Variants in TVP23A observed in about 807,000 individuals in gnomAD.
TVP23A encodes the protein Golgi apparatus membrane protein TVP23 homolog A.
TVP23A carries 21 observed loss-of-function variants against 31.7 expected under a neutral mutation model. The ratio of observed to expected loss-of-function variants is 0.66; its 90% CI spans 0.47 to 0.95. The LOEUF is 0.95. Ranked by LOEUF, TVP23A falls within the 40% of genes least tolerant of loss-of-function variation. The pLI is 0.00. For missense variants in TVP23A, 279 were observed against 255.6 expected (o/e 1.09, Z -0.62); for synonymous variants, 104 against 96.0 (o/e 1.08, Z -0.49).
chr16:10,777,092 C>A lies in TVP23A; in HGVS notation c.90-1996G>T, dbSNP rs954006011. ...GTCTCAGCCTCGTTTTACCCAGCCC[C>A]TATTCAAGATGGAGTTGCTCTGGTT... On this transcript the variant is annotated intron_variant, in intron 2 of 7. Transcript: ENST00000299866. The surrounding 1 kb of genome is among the most constrained non-coding windows in gnomAD (Gnocchi z 4.5). Among the ~76,000 whole-genome samples, 4 of 152,178 alleles carry A rather than the reference C, an allele frequency of 2.6e-5. No individual in the cohort carries two copies. The highest frequency in any genetic ancestry group is 1.3e-4 in the Admixed American group (2 of 15,268).
intron 2 of TVP23A, among the ~76,000 whole-genome samples, chr16:10,793,424 AC>A (rs1487076189): frequency 6.6e-6 from 1 of 151,848 alleles, no homozygotes; most frequent in African/African-American, 2.4e-5. Context: ...GTGGCTTCTA[AC>A]CCTTCACCCT....
At chr16:10,793,126 T>C (rs573045706) in intron 2 of TVP23A, among the ~76,000 whole-genome samples, 6 of 151,878 alleles carry the variant, frequency 4.0e-5, no homozygotes, top group African/African-American at 1.4e-4. Flanking sequence ...CTGTCTCTAC[T>C]CAAAATACAA....
At chr16:10,809,718 G>C (rs767024114) in intron 2 of TVP23A, among the ~76,000 whole-genome samples, 2 of 152,126 alleles carry the variant, frequency 1.3e-5, no homozygotes, top group African/African-American at 2.4e-5. Flanking sequence ...CAGTCACTTG[G>C]CTAGGGAGTG....
rs770531065 is a variant in TVP23A at position 10,770,299 on chromosome 16, G to C, written c.615C>G (p.Leu205=). The change falls in exon 7 of 8, where the codon CTC becomes CTG. Residue 205 remains leucine, a synonymous_variant. Transcript: ENST00000299866. The part of the protein sequence containing the change: ...ACPGDFQKPG[L]EGLEIHQH Reference sequence around the variant, plus strand: ...AATGCTGGTGAATCTCCAGCCCCTCGAGGCCAGGCTTCTGAAAGTCACCTG... The same window carrying C: ...AATGCTGGTGAATCTCCAGCCCCTCCAGGCCAGGCTTCTGAAAGTCACCTG... The C allele has an allele frequency of 1.9e-6, 3 of 1,550,918 alleles. No individual in the cohort carries two copies. Among genetic ancestry groups the C allele is most frequent in the Middle Eastern group, 1.7e-4 (1 of 5,994 alleles).
chr16:10,813,918 GA>G (rs1341679964), intron 2 of TVP23A, among the ~76,000 whole-genome samples: 1 of 136,028 alleles, frequency 7.4e-6, no homozygotes, highest in East Asian at 2.3e-4. Flanking sequence ...AGAATCACTT[GA>G]ACCCGGGAGG....
At chr16:10,793,048 G>A (rs1315675837) in intron 2 of TVP23A, among the ~76,000 whole-genome samples, 1 of 152,170 alleles carries the variant, frequency 6.6e-6, no homozygotes, top group African/African-American at 2.4e-5. Context: ...CAGCACTCTG[G>A]GAGGCCGAGG....
chr16:10,778,977 C>CA (rs2142927012), intron 2 of TVP23A, among the ~76,000 whole-genome samples: 1 of 152,232 alleles, frequency 6.6e-6, no homozygotes, highest in African/African-American at 2.4e-5. Flanking sequence ...ATACAGATCT[C>CA]AAAAAAATGT....
At chr16:10,811,412 G>A (rs2034193364) in intron 2 of TVP23A, among the ~76,000 whole-genome samples, 2 of 152,036 alleles carry the variant, frequency 1.3e-5, no homozygotes, top group South Asian at 4.1e-4. Context: ...GGGACTACAG[G>A]TGTGTGCCAC....
intron 2 of TVP23A, among the ~76,000 whole-genome samples, chr16:10,791,237 C>A (rs1434203856): frequency 6.6e-6 from 1 of 152,124 alleles, no homozygotes; most frequent in Non-Finnish European, 1.5e-5. Context: ...TTTGGACATC[C>A]TTTGTCAGAC....
chr16:10,770,272 C>T lies in TVP23A; in HGVS notation c.642G>A (p.Ter214=). ...ACGGGTGCCATGATCCATTTCTCACCTAATGCTGGTGAATCTCCAGCCCCT... is the reference window on the plus strand; with the variant it reads ...ACGGGTGCCATGATCCATTTCTCACTTAATGCTGGTGAATCTCCAGCCCCT... The part of the protein sequence containing the change: ...GLEGLEIHQH[*] Residue 214 remains the stop codon, a splice_region_variant and stop_retained_variant, in exon 7 of 8, where the codon TAG becomes TAA. Transcript: ENST00000299866. 4 of 1,550,930 alleles carry T rather than the reference C, an allele frequency of 2.6e-6. No homozygotes were observed. Among genetic ancestry groups the T allele is most frequent in the Non-Finnish European group, 3.5e-6 (4 of 1,146,790 alleles).
Position 10,799,021 on chromosome 16 carries a change from A to C in TVP23A, c.89+19082T>G, listed in dbSNP as rs191812497. 5.3e-5 allele frequency among the ~76,000 whole-genome samples: 8 copies of C among 152,272 alleles called. No individual in the cohort carries two copies. The East Asian group carries it at 9.7e-4, about 18-fold the overall frequency. Reference sequence around the variant, plus strand: ...TTCTCCCTAGGGCAAGCCAGCTGCCATGTTGGGAGCAGCCCTATGTTGAGA... The same window carrying C: ...TTCTCCCTAGGGCAAGCCAGCTGCCCTGTTGGGAGCAGCCCTATGTTGAGA... On this transcript the variant is annotated intron_variant, in intron 2 of 7. Coordinates refer to ENST00000299866, the MANE Select transcript of TVP23A (RefSeq NM_001079512.4).
chr16:10,771,885 C>T, intron 5 of TVP23A, 87 bp from the exon 6 acceptor site: 1 of 1,491,640 alleles, frequency 6.7e-7, no homozygotes, highest in Non-Finnish European at 9.0e-7. Flanking sequence ...GAGGCACGAT[C>T]TCAGCTCACT....
At chr16:10,761,721 A>G (rs2029926115), downstream of TVP23A, 5 of 1,558,950 alleles carry the variant, frequency 3.2e-6, no homozygotes, top group Non-Finnish European at 4.4e-6. Context: ...TTCTGCAAAA[A>G]AATTATGTTT....
chr16:10,771,434 C>T (rs1359727406), intron 6 of TVP23A, among the ~76,000 whole-genome samples: 2 of 151,998 alleles, frequency 1.3e-5, no homozygotes, highest in Non-Finnish European at 2.9e-5. Flanking sequence ...GTGCCAGAGG[C>T]TGAGGTGGGA....
chr16:10,778,009 C>A (rs867970216), intron 2 of TVP23A, among the ~76,000 whole-genome samples: 12 of 149,830 alleles, frequency 8.0e-5, no homozygotes, highest in Non-Finnish European at 8.9e-5. Flanking sequence ...GACTCCGTCT[C>A]AAAAAAAATA....
intron 2 of TVP23A, among the ~76,000 whole-genome samples, chr16:10,817,114 T>TGTG (rs1334808868): frequency 6.6e-6 from 1 of 152,010 alleles, no homozygotes; most frequent in Non-Finnish European, 1.5e-5. Context: ...CCGAAGGGAG[T>TGTG]GTGGCACTGC....
At chr16:10,765,652 G>C (rs186542997), downstream of TVP23A, among the ~76,000 whole-genome samples, 1 of 152,304 alleles carries the variant, frequency 6.6e-6, no homozygotes, top group African/African-American at 2.4e-5. This position sits in a 1 kb window ranked among gnomAD's most constrained non-coding sequence, Gnocchi z 4.0. Flanking sequence ...CTTCCAAAGA[G>C]CCAGCAACCT....
chr16:10,763,088 A>T (rs2030254426), downstream of TVP23A, among the ~76,000 whole-genome samples: 1 of 152,028 alleles, frequency 6.6e-6, no homozygotes, highest in Non-Finnish European at 1.5e-5. Context: ...TGCTGCCAGT[A>T]CAAGTCACCT....
downstream of TVP23A, among the ~76,000 whole-genome samples, chr16:10,758,318 T>G (rs1900710035): frequency 6.6e-6 from 1 of 151,874 alleles, no homozygotes; most frequent in Admixed American, 6.6e-5. Flanking sequence ...AAAAAATATT[T>G]TAAAATTAGC....
Sources: allele counts gnomAD v4.1 joint callset (sites outside exome capture counted in the v4.1 genomes callset), GRCh38; gene constraint gnomAD v4.1.1; non-coding constraint Gnocchi (gnomAD v3.1); transcripts MANE v1.5; gene names NCBI Gene and HGNC (gene_info 2026-07-23, HGNC 2026-07-21).